SLC25A13: variants seen among roughly 807,000 people sequenced by gnomAD.
SLC25A13 encodes the protein electrogenic aspartate/glutamate antiporter SLC25A13, mitochondrial.
Under a neutral mutation model 85.5 loss-of-function variants are expected in SLC25A13, and 70 were observed. The ratio of observed to expected loss-of-function variants is 0.82; its 90% confidence interval spans 0.68 to 1.00. The LOEUF (loss-of-function observed/expected upper bound fraction) is 1.00. Ranked by LOEUF, SLC25A13 falls within the 50% of genes least tolerant of loss-of-function variation. The pLI is 0.00. For synonymous variants in SLC25A13, 259 were observed against 288.7 expected (o/e 0.90, Z 1.04); for missense variants, 765 against 819.8 (o/e 0.93, Z 0.82).
chr7:96,203,442 C>G (rs1795337306), intron 5 of SLC25A13, among the ~76,000 whole-genome samples: 1 of 152,188 alleles, frequency 6.6e-6, no homozygotes. Context: ...ATTTCAACTT[C>G]AAATCCACCT....
chr7:96,321,570 G>C (rs1013017020), intron 1 of SLC25A13, among the ~76,000 whole-genome samples: 1 of 152,188 alleles, frequency 6.6e-6, no homozygotes, highest in African/African-American at 2.4e-5. Flanking sequence ...TCAGGAGCAG[G>C]AGCGCGCTGG....
At position 96,189,886 on chromosome 7, in the gene SLC25A13, T is replaced by C. The variant is rs536918094; in HGVS notation, c.755-212A>G. On this transcript the variant is annotated intron_variant, in intron 7 of 17. Coordinates refer to ENST00000265631, the MANE Select transcript of SLC25A13 (RefSeq NM_014251.3). ...CAGAATATGTTCTTGAATATACAGT[T>C]TAAAAGCTTGGGGTCATCTGATGTT... Among the ~76,000 whole-genome samples the C allele has an allele frequency of 7.9e-5, 12 of 152,210 alleles. No homozygotes were observed. In the East Asian group the frequency reaches 2.3e-3, roughly 29 times the overall value.
At chr7:96,127,388 G>A (rs546330369) in intron 15 of SLC25A13, among the ~76,000 whole-genome samples, 2 of 152,134 alleles carry the variant, frequency 1.3e-5, no homozygotes, top group Non-Finnish European at 2.9e-5. Context: ...AAATAACGGA[G>A]TAGATGTTCC....
chr7:96,153,354 G>A (rs1793123025), intron 13 of SLC25A13, among the ~76,000 whole-genome samples: 1 of 152,226 alleles, frequency 6.6e-6, no homozygotes, highest in Admixed American at 6.5e-5. Flanking sequence ...GCTCTCCATA[G>A]GAAGTTATGA....
chr7:96,191,677 C>G (rs1337583093), intron 6 of SLC25A13, among the ~76,000 whole-genome samples: 1 of 152,130 alleles, frequency 6.6e-6, no homozygotes, highest in Non-Finnish European at 1.5e-5. Flanking sequence ...TGCAAACATA[C>G]TATGAAAAGT....
chr7:96,309,118 G>A (rs1041015159), intron 1 of SLC25A13, among the ~76,000 whole-genome samples: 1 of 152,170 alleles, frequency 6.6e-6, no homozygotes, highest in South Asian at 2.1e-4. Flanking sequence ...TTGCCAGTGA[G>A]CACAACAAAG....
chr7:96,231,731 A>G (rs1584488338), intron 4 of SLC25A13, among the ~76,000 whole-genome samples: 1 of 152,088 alleles, frequency 6.6e-6, no homozygotes, highest in Non-Finnish European at 1.5e-5. Context: ...CTCAAAAAAA[A>G]AAAAGAAAAG....
At chr7:96,148,170 TG>T (rs1792881223) in intron 13 of SLC25A13, among the ~76,000 whole-genome samples, 1 of 152,230 alleles carries the variant, frequency 6.6e-6, no homozygotes, top group Non-Finnish European at 1.5e-5. Flanking sequence ...TTGTTTGGGT[TG>T]GGGGACAACA....
chr7:96,273,290 C>T (rs983410257), intron 3 of SLC25A13, among the ~76,000 whole-genome samples: 2 of 152,044 alleles, frequency 1.3e-5, no homozygotes, highest in African/African-American at 4.8e-5. Flanking sequence ...AGAGACATAA[C>T]TAACTGCAGT....
intron 3 of SLC25A13, among the ~76,000 whole-genome samples, chr7:96,271,053 C>T (rs1798221470): frequency 6.6e-6 from 1 of 152,194 alleles, no homozygotes; most frequent in African/African-American, 2.4e-5. Flanking sequence ...ATATCTTCAT[C>T]TCAAAATTCT....
chr7:96,207,451 G>A (rs1357532634), intron 5 of SLC25A13, among the ~76,000 whole-genome samples: 4 of 151,984 alleles, frequency 2.6e-5, no homozygotes, highest in Admixed American at 6.5e-5. Flanking sequence ...TGGAACACAC[G>A]AAAAAGCCAG....
At chr7:96,318,337 G>T in intron 1 of SLC25A13, among the ~76,000 whole-genome samples, 1 of 152,200 alleles carries the variant, frequency 6.6e-6, no homozygotes, top group East Asian at 1.9e-4. Context: ...AAAGGGCAGA[G>T]ACGAAGAAAA....
chr7:96,205,032 C>T (rs1032660597), intron 5 of SLC25A13, among the ~76,000 whole-genome samples: 3 of 152,100 alleles, frequency 2.0e-5, no homozygotes, highest in Admixed American at 6.5e-5. Flanking sequence ...CTCAGCCTCC[C>T]GAGTAGCTGG....
intron 3 of SLC25A13, among the ~76,000 whole-genome samples, chr7:96,250,757 C>G (rs921409572): frequency 3.2e-5 from 2 of 62,318 alleles, no homozygotes; most frequent in African/African-American, 1.2e-4. Context: ...AAAAAAGAGG[C>G]TCCATAAAAT....
intron 2 of SLC25A13, among the ~76,000 whole-genome samples, chr7:96,288,881 A>C (rs1180497987): frequency 6.6e-6 from 1 of 152,200 alleles, no homozygotes; most frequent in East Asian, 1.9e-4. Flanking sequence ...GCAGACTTAA[A>C]TGTCCCTGTC....
At position 96,146,473 on chromosome 7, in the gene SLC25A13, A is replaced by AT. The variant is rs1792794378; in HGVS notation, c.1452+82dup. 1.3e-5 allele frequency: 20 copies of AT among 1,554,764 alleles called. No individual in the cohort carries two copies. In the South Asian group the frequency reaches 2.2e-4, roughly 17 times the overall value. On this transcript the variant is annotated intron_variant, in intron 14 of 17. Transcript: ENST00000265631. ...TCCAGGTGTAGAAATGCAAAAAAAA[A>AT]TGGATTTCATGTTGAAGAATAGTTT...
intron 9 of SLC25A13, among the ~76,000 whole-genome samples, chr7:96,186,555 C>T (rs1584426748): frequency 6.6e-6 from 1 of 151,946 alleles, no homozygotes; most frequent in East Asian, 1.9e-4. Flanking sequence ...GCTCTTTAAA[C>T]AAAAAGAACA....
intron 1 of SLC25A13, among the ~76,000 whole-genome samples, chr7:96,309,958 C>T (rs763648305): frequency 2.6e-5 from 4 of 151,940 alleles, no homozygotes; most frequent in African/African-American, 7.3e-5. Context: ...TGTCCTTATA[C>T]GAAGAGGAAA....
intron 2 of SLC25A13, among the ~76,000 whole-genome samples, chr7:96,282,070 T>C (rs1798702223): frequency 6.6e-6 from 1 of 152,178 alleles, no homozygotes; most frequent in Non-Finnish European, 1.5e-5. Flanking sequence ...TTTGGGAATA[T>C]TTTTCACTAG....
Sources: allele counts gnomAD v4.1 joint callset (sites outside exome capture counted in the v4.1 genomes callset), GRCh38; gene constraint gnomAD v4.1.1; transcripts MANE v1.5; gene names NCBI Gene and HGNC (gene_info 2026-07-23, HGNC 2026-07-21).